The following MGAM variants were observed in gnomAD, a reference collection of about 807,000 sequenced individuals.
MGAM encodes maltase-glucoamylase.
MGAM carries 253 observed loss-of-function variants against 358.8 expected under a neutral mutation model. That is an observed-to-expected ratio of 0.71 (90% confidence interval 0.64 to 0.78). MGAM has a LOEUF of 0.78. Among genes scored for constraint, MGAM ranks in the 30% least tolerant of loss-of-function variants. The pLI, the probability that MGAM is intolerant of heterozygous loss-of-function variation, is 0.00. For missense variants in MGAM, 3,080 were observed against 3,432.6 expected, an observed-to-expected ratio of 0.90 and a Z score of 2.57; for synonymous variants, 1,105 against 1,227.1, an observed-to-expected ratio of 0.90 and a Z score of 2.08.
rs770877177 is a variant in MGAM at position 142,071,005 on chromosome 7, T to G, written c.5073T>G (p.Ile1691Met). Residue 1691 changes from isoleucine to methionine, a missense_variant, in exon 44 of 71, where the codon ATT becomes ATG. This residue lies in a region of MGAM where 932 missense variants were observed against 1,198.2 expected (regional missense o/e 0.78). Transcript: ENST00000475668. ...TCTTCTGCCCCCAGGGTGTGGATAT[T>G]AATGCAAGAGGAGAGTGGAAGACCT... The part of the protein sequence containing the change: ...RWYDYYTGVD[I>M]NARGEWKTLP... 8.4e-5 allele frequency: 130 copies of G among 1,556,176 alleles called. 24 individuals are homozygous for G. Among genetic ancestry groups the G allele is most frequent in the Non-Finnish European group, 1.1e-4 (127 of 1,132,524 alleles).
rs1204101910 is a variant in MGAM at position 142,027,006 on chromosome 7, C to T, written c.983-109C>T. 4 of 807,116 alleles carry T rather than the reference C, an allele frequency of 5.0e-6. No individual in the cohort carries two copies. In the African/African-American group the frequency reaches 6.8e-5, roughly 14 times the overall value. The allele number at this position is 807,116 out of a possible 1,614,324, so 50.0% of individuals were successfully genotyped here. ...TATTCAAAATGTGAGGCACTAGGGT[C>T]ACCTTGTTAATGTTCACATGGTTAG... On this transcript the variant is annotated intron_variant, in intron 8 of 70. Transcript: ENST00000475668.
In MGAM at chr7:142,087,350, AT is replaced by A. The variant is rs893335631; in HGVS notation, c.6810+640del. ...AAGTAGCCCATGCTTCTGTACCTGA[AT>A]TTTTTTCCAGATTCACTAAGCGTTT... On this transcript the variant is annotated intron_variant, in intron 57 of 70. Transcript: ENST00000475668. Among the ~76,000 whole-genome samples, 3 of 145,188 alleles carry A rather than the reference AT, an allele frequency of 2.1e-5. 1 individual carries two copies. The highest frequency in any genetic ancestry group is 3.1e-5 in the Non-Finnish European group (2 of 64,222).
Position 142,027,212 on chromosome 7 carries a change from T to A in MGAM, c.1080T>A (p.Val360=). 6.2e-7 allele frequency: 1 copy of A among 1,610,726 alleles called. No individual in the cohort carries two copies. Among genetic ancestry groups the A allele is most frequent in the Non-Finnish European group, 8.5e-7 (1 of 1,176,984 alleles). The change falls in exon 9 of 71, where the codon GTT becomes GTA. Residue 360 remains valine (V), a synonymous_variant. Coordinates refer to ENST00000475668, the MANE Select transcript of MGAM (RefSeq NM_001365693.1). The part of the protein sequence containing the change: ...VFLGNTPEQV[V]QEYLELIGRP... ...TGGGAAACACTCCAGAGCAAGTTGT[T>A]CAAGAATATCTAGAGGTAAACTTAG...
intron 26 of MGAM, 74 bp from the exon 27 acceptor site, chr7:142,054,680 A>G: frequency 6.7e-7 from 1 of 1,495,114 alleles, no homozygotes; most frequent in Non-Finnish European, 9.0e-7. Context: ...GTGTCCAAAA[A>G]TCAAAAAGGT....
intron 19 of MGAM, among the ~76,000 whole-genome samples, chr7:142,039,591 A>G (rs1272655535): frequency 6.6e-6 from 1 of 152,112 alleles, no homozygotes; most frequent in African/African-American, 2.4e-5. Flanking sequence ...TCCAAACTAT[A>G]TCAAGAGTGG....
intron 54 of MGAM, among the ~76,000 whole-genome samples, chr7:142,084,897 C>T (rs1401866364): frequency 6.8e-6 from 1 of 146,638 alleles, no homozygotes; most frequent in Non-Finnish European, 1.5e-5. Flanking sequence ...TTTCTACTAT[C>T]TCATGCTTCC....
rs1422375727 is a variant in MGAM, at chr7:142,065,973, T to G, written c.4770+142T>G. Reference sequence around the variant, plus strand: ...TTTTTGTTTTGTTTTGTTTTGTTTTTTTTTTTGAAACAGGGATTTACTCTG... The same window carrying G: ...TTTTTGTTTTGTTTTGTTTTGTTTTGTTTTTTGAAACAGGGATTTACTCTG... On this transcript the variant is annotated intron_variant, in intron 40 of 70. Coordinates refer to ENST00000475668, the MANE Select transcript of MGAM (RefSeq NM_001365693.1). The G allele has an allele frequency of 8.3e-5, 61 of 733,802 alleles. 5 individuals carry two copies. The highest frequency in any genetic ancestry group is 3.4e-4 in the Admixed American group (10 of 29,538). 45.5% of individuals were successfully genotyped at this position (733,802 alleles called of 1,614,324 possible).
chr7:142,045,656 A>T (rs1463170899), intron 21 of MGAM, among the ~76,000 whole-genome samples: 4 of 106,128 alleles, frequency 3.8e-5, no homozygotes, highest in Non-Finnish European at 7.0e-5. Flanking sequence ...TATTATATAC[A>T]TACAATATAT....
intron 70 of MGAM, among the ~76,000 whole-genome samples, chr7:142,105,577 C>T (rs1018723749): frequency 2.0e-5 from 3 of 152,162 alleles, no homozygotes; most frequent in Admixed American, 6.5e-5. Flanking sequence ...CGTGAGCCAC[C>T]GCACCCGGCC....
chr7:142,042,453 TA>T lies in MGAM; in HGVS notation c.2498+1609del, dbSNP rs1224482685. ...AATATATAACATATAATATATAATA[TA>T]ACATATAATATATAATATATAATAT... On this transcript the variant is annotated intron_variant, in intron 21 of 70. Transcript: ENST00000475668. Among the ~76,000 whole-genome samples the T allele has an allele frequency of 9.0e-5, 2 of 22,288 alleles. 1 individual carries two copies. The highest frequency in any genetic ancestry group is 1.5e-4 in the Non-Finnish European group (2 of 13,024). 14.6% of individuals were successfully genotyped at this position (22,288 alleles called of 152,430 possible).
chr7:142,015,787 T>C (rs1350759802), intron 3 of MGAM, among the ~76,000 whole-genome samples: 1 of 152,024 alleles, frequency 6.6e-6, no homozygotes, highest in African/African-American at 2.4e-5. Flanking sequence ...GTAAGATACT[T>C]GTTGTACAGT....
chr7:142,007,433 C>T (rs1192161079), intron 2 of MGAM, among the ~76,000 whole-genome samples: 3 of 152,020 alleles, frequency 2.0e-5, no homozygotes, highest in Non-Finnish European at 4.4e-5. Flanking sequence ...CTCTGCCCCT[C>T]CTACCCCATC....
At chr7:142,036,119 G>A (rs782567403) in intron 16 of MGAM, 50 bp from the exon 17 acceptor site, 4 of 1,321,840 alleles carry the variant, frequency 3.0e-6, no homozygotes, top group Non-Finnish European at 3.2e-6. Flanking sequence ...AAGCAAAGGA[G>A]GGTGGTTAGA....
At chr7:142,031,572 G>A in intron 12 of MGAM, 108 bp from the exon 13 acceptor site, 1 of 685,438 alleles carries the variant, frequency 1.5e-6, no homozygotes, top group Non-Finnish European at 2.5e-6. Context: ...TATGTTCCTG[G>A]GTACCTCGGT....
intron 21 of MGAM, among the ~76,000 whole-genome samples, chr7:142,046,139 A>C (rs1409963866): frequency 7.0e-6 from 1 of 142,744 alleles, no homozygotes; most frequent in East Asian, 2.0e-4. Context: ...ATATTTATAT[A>C]TTATATATAT....
upstream of MGAM, among the ~76,000 whole-genome samples, chr7:141,992,350 A>G (rs549886859): frequency 6.6e-6 from 1 of 152,142 alleles, no homozygotes; most frequent in African/African-American, 2.4e-5. Context: ...CGGATCTGGA[A>G]CTCTGAGTCA....
chr7:142,077,735 A>G (rs1013967148), intron 47 of MGAM, among the ~76,000 whole-genome samples: 1 of 145,794 alleles, frequency 6.9e-6, no homozygotes, highest in African/African-American at 2.4e-5. Context: ...GCCTGAATCA[A>G]AATATTTCAT....
chr7:141,997,278 G>C (rs1554448994), intron 1 of MGAM, among the ~76,000 whole-genome samples: 1 of 152,128 alleles, frequency 6.6e-6, no homozygotes, highest in Admixed American at 6.5e-5. Flanking sequence ...GTGTGGGACA[G>C]TAAGTGTATG....
chr7:141,997,154 C>T (rs1554448969), intron 1 of MGAM, among the ~76,000 whole-genome samples: 1 of 152,108 alleles, frequency 6.6e-6, no homozygotes, highest in African/African-American at 2.4e-5. Flanking sequence ...GACTAATCCC[C>T]ATGGGTCTCC....
Sources: gnomAD v4.1 joint callset for allele counts (sites outside exome capture counted in the v4.1 genomes callset) on GRCh38, gnomAD v4.1.1 for gene constraint, gnomAD v4.1.1 regional missense constraint, MANE v1.5 for transcripts, NCBI Gene and HGNC (gene_info 2026-07-23, HGNC 2026-07-21) for gene names.